Variants in SEMA5B observed in about 807,000 individuals in gnomAD.
SEMA5B encodes semaphorin-5B.
A neutral mutation model predicts 135.0 loss-of-function variants in SEMA5B; 66 were observed. The ratio of observed to expected loss-of-function variants is 0.49; its 90% CI spans 0.40 to 0.60. The LOEUF is 0.60. Among genes scored for constraint, SEMA5B ranks in the 20% least tolerant of loss-of-function variants. The pLI is 0.00. For missense variants in SEMA5B, 1,501 were observed against 1,566.3 expected, an observed-to-expected ratio of 0.96 and a Z score of 0.70; for synonymous variants, 690 against 639.5, an observed-to-expected ratio of 1.08 and a Z score of -1.19.
At chr3:122,975,780 AAC>A (rs1222423292) in intron 1 of SEMA5B, among the ~76,000 whole-genome samples, 1 of 152,124 alleles carries the variant, frequency 6.6e-6, no homozygotes, top group Non-Finnish European at 1.5e-5. Context: ...AAGCTGCCAG[AAC>A]ACAGTCTACA....
At chr3:122,982,019 A>G (rs556954225) in intron 1 of SEMA5B, among the ~76,000 whole-genome samples, 1 of 152,230 alleles carries the variant, frequency 6.6e-6, no homozygotes, top group Non-Finnish European at 1.5e-5. Context: ...GGGACCGTAC[A>G]GTGGAGGGCT....
chr3:122,978,772 G>A (rs1315604841), intron 1 of SEMA5B, among the ~76,000 whole-genome samples: 1 of 152,144 alleles, frequency 6.6e-6, no homozygotes, highest in Non-Finnish European at 1.5e-5. Flanking sequence ...GTAAATAGGT[G>A]CTCAATAAAT....
intron 1 of SEMA5B, among the ~76,000 whole-genome samples, chr3:122,991,720 G>A (rs1415061694): frequency 6.6e-6 from 1 of 152,008 alleles, no homozygotes; most frequent in Non-Finnish European, 1.5e-5. Flanking sequence ...CCAAAGGATA[G>A]GGGTATATTG....
intron 1 of SEMA5B, among the ~76,000 whole-genome samples, chr3:122,986,523 TC>T (rs1018167961): frequency 3.9e-5 from 6 of 152,218 alleles, no homozygotes; most frequent in African/African-American, 1.4e-4. Context: ...GATAAGTCAC[TC>T]CTGTTGCTCC....
intron 1 of SEMA5B, among the ~76,000 whole-genome samples, chr3:122,962,819 C>T (rs903749850): frequency 1.3e-5 from 2 of 152,146 alleles, no homozygotes; most frequent in Admixed American, 1.3e-4. Flanking sequence ...TCTGCCCCAG[C>T]TTCCCCAACC....
At chr3:122,945,939 G>A (rs1009657796) in intron 3 of SEMA5B, among the ~76,000 whole-genome samples, 1 of 152,090 alleles carries the variant, frequency 6.6e-6, no homozygotes, top group Non-Finnish European at 1.5e-5. Flanking sequence ...GAGAGAAGGA[G>A]CCGGGCATAG....
At chr3:122,931,891 T>A (rs1938991169) in intron 5 of SEMA5B, among the ~76,000 whole-genome samples, 1 of 152,246 alleles carries the variant, frequency 6.6e-6, no homozygotes, top group African/African-American at 2.4e-5. Context: ...GTTTGTGGAC[T>A]GAAACGTCGA....
chr3:122,987,299 C>T (rs1240153629), intron 1 of SEMA5B, among the ~76,000 whole-genome samples: 1 of 152,160 alleles, frequency 6.6e-6, no homozygotes, highest in African/African-American at 2.4e-5. Context: ...TCACAAAGGA[C>T]AGGGACAAAA....
chr3:122,941,833 C>T (rs916694106), intron 4 of SEMA5B, among the ~76,000 whole-genome samples: 5 of 152,194 alleles, frequency 3.3e-5, no homozygotes, highest in African/African-American at 7.2e-5. Flanking sequence ...AGATGTTAGC[C>T]TTGGGGGAAA....
chr3:122,990,955 C>T (rs1455428865), intron 1 of SEMA5B, among the ~76,000 whole-genome samples: 1 of 152,226 alleles, frequency 6.6e-6, no homozygotes, highest in East Asian at 1.9e-4. Flanking sequence ...AAGCTGCCAG[C>T]AAGTGTATGT....
chr3:122,932,273 A>ATTTT (rs1939016392), intron 5 of SEMA5B, among the ~76,000 whole-genome samples: 1 of 28,988 alleles, frequency 3.4e-5, no homozygotes, highest in African/African-American at 8.5e-5. Context: ...TTTTTTTTGG[A>ATTTT]GAGAAGGTCT....
At chr3:122,925,368 G>GA (rs34399891) in intron 9 of SEMA5B, among the ~76,000 whole-genome samples, 10,734 of 148,492 alleles carry the variant, frequency 0.072, 414 homozygotes, top group Non-Finnish European at 0.084. Flanking sequence ...TAGCTGATGA[G>GA]AAAAAAAAAA....
At chr3:122,993,352 C>T (rs1312305659) in intron 1 of SEMA5B, 1 of 152,300 alleles carries the variant, frequency 6.6e-6, no homozygotes, top group Non-Finnish European at 1.5e-5. Context: ...GCCCTGGCCA[C>T]CCCACAAGGG....
At chr3:122,925,615 A>G (rs1002170928) in intron 9 of SEMA5B, among the ~76,000 whole-genome samples, 1 of 152,122 alleles carries the variant, frequency 6.6e-6, no homozygotes, top group Non-Finnish European at 1.5e-5. Flanking sequence ...GGTTGCAGTG[A>G]GCCGAGATTG....
intron 14 of SEMA5B, among the ~76,000 whole-genome samples, chr3:122,914,483 A>G (rs895476081): frequency 6.6e-6 from 1 of 152,192 alleles, no homozygotes; most frequent in Non-Finnish European, 1.5e-5. Context: ...GGGCTCTACC[A>G]TTTGCTGGCT....
intron 9 of SEMA5B, among the ~76,000 whole-genome samples, chr3:122,925,079 G>C (rs1464011724): frequency 6.6e-6 from 1 of 152,262 alleles, no homozygotes; most frequent in East Asian, 1.9e-4. Context: ...ACCTACTCCT[G>C]ACTCTCGTTT....
chr3:122,952,623 TG>T, intron 2 of SEMA5B, among the ~76,000 whole-genome samples: 1 of 152,344 alleles, frequency 6.6e-6, no homozygotes, highest in South Asian at 2.1e-4. Flanking sequence ...TCTGGTGCTC[TG>T]GGGAAAGAGG....
intron 1 of SEMA5B, among the ~76,000 whole-genome samples, chr3:123,008,821 C>T (rs1482132225): frequency 6.6e-6 from 1 of 152,096 alleles, no homozygotes; most frequent in East Asian, 1.9e-4. Context: ...TGTCAACCAA[C>T]AGTGGCAGGG....
chr3:123,018,356 C>G (rs1411044206), intron 1 of SEMA5B, among the ~76,000 whole-genome samples: 4 of 152,256 alleles, frequency 2.6e-5, no homozygotes, highest in Admixed American at 6.5e-5. Context: ...ATAGGAAGTC[C>G]TGCTTCTTTT....
Sources: allele counts gnomAD v4.1 joint callset (sites outside exome capture counted in the v4.1 genomes callset), GRCh38; gene constraint gnomAD v4.1.1; transcripts MANE v1.5; gene names NCBI Gene and HGNC (gene_info 2026-07-23, HGNC 2026-07-21).